The following TACC2 variants were observed in gnomAD, a reference collection of about 807,000 sequenced individuals.
TACC2 encodes the protein transforming acidic coiled-coil-containing protein 2.
In TACC2, 137 loss-of-function variants were observed where a neutral mutation model predicts 227.3. The ratio of observed to expected loss-of-function variants is 0.60; its 90% CI spans 0.52 to 0.69. TACC2 has a LOEUF of 0.69. TACC2 is among the 30% of genes least tolerant of loss of function. The pLI is 0.00. For synonymous variants in TACC2, 1,523 were observed against 1,487.5 expected (o/e 1.02, Z -0.55); for missense variants, 3,470 against 3,694.4 (o/e 0.94, Z 1.57).
Position 122,150,411 on chromosome 10 carries a change from G to C in TACC2, c.5834+6705G>C, listed in dbSNP as rs1179074884. ...CCTGAATAGGGGCAGCTGAGGCCAGGAGCCCACCCTCCTCCCCGAGCACGG... is the reference window on the plus strand; with the variant it reads ...CCTGAATAGGGGCAGCTGAGGCCAGCAGCCCACCCTCCTCCCCGAGCACGG... On this transcript the variant is annotated intron_variant, in intron 7 of 22. Transcript: ENST00000369005. The surrounding 1 kb of genome is among the most constrained non-coding windows in gnomAD (Gnocchi z 4.0). 6.6e-6 allele frequency among the ~76,000 whole-genome samples: 1 copy of C among 152,344 alleles called. No individual in the cohort carries two copies. The highest frequency in any genetic ancestry group is 1.9e-4 in the East Asian group (1 of 5,164).
chr10:121,992,931 G>C (rs1245704030), intron 1 of TACC2, among the ~76,000 whole-genome samples: 5 of 151,700 alleles, frequency 3.3e-5, no homozygotes, highest in Non-Finnish European at 7.4e-5. Flanking sequence ...CTCCAGCCTG[G>C]GCAACAGAGT....
chr10:122,085,115 C>T lies in TACC2; in HGVS notation c.2615C>T (p.Ser872Phe), dbSNP rs1270100081. 1.2e-6 allele frequency: 2 copies of T among 1,614,210 alleles called. No homozygotes were observed. Among genetic ancestry groups the T allele is most frequent in the Non-Finnish European group, 1.7e-6 (2 of 1,180,050 alleles). Residue 872 changes from serine to phenylalanine, a missense_variant, in exon 4 of 23, where the codon TCT becomes TTT. Physicochemically the swap from Ser to Phe is radical, Grantham distance 155 (BLOSUM62 -2). Around this residue, in one of 10 missense-constraint regions of TACC2, gnomAD observed 1,924 missense variants for 1,978.3 expected, o/e 0.97. Transcript: ENST00000369005. ...HPGFKDQGADSSQIHVPVEPQ... is the reference protein window; with the variant it reads ...HPGFKDQGADFSQIHVPVEPQ... ...GGTTTTAAGGACCAGGGAGCAGATT[C>T]TTCCCAAATCCATGTACCTGTGGAA...
intron 3 of TACC2, among the ~76,000 whole-genome samples, chr10:122,053,268 G>A (rs796308089): frequency 5.3e-5 from 8 of 152,286 alleles, no homozygotes; most frequent in African/African-American, 1.9e-4. Context: ...CAGGTAAAGA[G>A]AAGAGAGCTT....
intron 7 of TACC2, among the ~76,000 whole-genome samples, chr10:122,152,254 C>T (rs1030687572): frequency 6.6e-6 from 1 of 152,216 alleles, no homozygotes; most frequent in Non-Finnish European, 1.5e-5. Context: ...TTACAGGGTC[C>T]TGCCTGCCTT....
intron 11 of TACC2, among the ~76,000 whole-genome samples, chr10:122,224,417 C>T (rs888657511): frequency 2.0e-5 from 3 of 152,168 alleles, no homozygotes; most frequent in Admixed American, 1.3e-4. Flanking sequence ...GAACACTCAG[C>T]GCAGAGTGCT....
Position 122,241,946 on chromosome 10 carries a change from C to T in TACC2, c.8349-12C>T. On this transcript the variant is annotated splice_polypyrimidine_tract_variant and intron_variant, in intron 18 of 22. Coordinates refer to ENST00000369005, the MANE Select transcript of TACC2 (RefSeq NM_206862.4). ...TTGTCATGACTCCAACGTGTCTTTA[C>T]TTCTCTTATAGGAAAATAGTGGCCG... 1 of 1,613,868 alleles carries T rather than the reference C, an allele frequency of 6.2e-7. No individual in the cohort carries two copies. The highest frequency in any genetic ancestry group is 8.5e-7 in the Non-Finnish European group (1 of 1,179,712).
intron 3 of TACC2, among the ~76,000 whole-genome samples, chr10:122,078,031 C>A (rs1443358774): frequency 6.6e-6 from 1 of 151,804 alleles, no homozygotes; most frequent in Non-Finnish European, 1.5e-5. Flanking sequence ...CCCATCTCTA[C>A]TAAAAATACA....
intron 1 of TACC2, among the ~76,000 whole-genome samples, chr10:122,014,504 C>T (rs11594507): frequency 0.021 from 3,227 of 152,260 alleles, 49 homozygotes; most frequent in Non-Finnish European, 0.03. Context: ...AGCCACCATA[C>T]CCGGCCAAGA....
chr10:122,161,334 G>A (rs565297896), intron 7 of TACC2, among the ~76,000 whole-genome samples: 2 of 152,234 alleles, frequency 1.3e-5, no homozygotes, highest in South Asian at 4.2e-4. Flanking sequence ...GCAGTTGTTG[G>A]GATTCTACGT....
At chr10:122,046,806 C>G (rs2075057066) in intron 2 of TACC2, among the ~76,000 whole-genome samples, 1 of 152,086 alleles carries the variant, frequency 6.6e-6, no homozygotes, top group South Asian at 2.1e-4. Flanking sequence ...TGCAGGTCAT[C>G]TTGTGATTGA....
intron 1 of TACC2, among the ~76,000 whole-genome samples, chr10:122,008,525 C>G (rs551535942): frequency 3.5e-4 from 52 of 149,714 alleles, no homozygotes; most frequent in African/African-American, 1.2e-3. Flanking sequence ...CTCCCAAAGT[C>G]CTGGGATTAC....
chr10:122,068,307 T>G (rs76925228), intron 3 of TACC2, among the ~76,000 whole-genome samples: 5,201 of 152,290 alleles, frequency 0.034, 268 homozygotes, highest in African/African-American at 0.12. Context: ...TGTAATTTCT[T>G]GGTTCAAGAC....
At chr10:122,021,189 A>G (rs567277444) in intron 1 of TACC2, among the ~76,000 whole-genome samples, 1 of 148,916 alleles carries the variant, frequency 6.7e-6, no homozygotes, top group Non-Finnish European at 1.5e-5. Context: ...AGATCGTGCC[A>G]CTGCACTCTA....
chr10:122,136,567 ATATT>A (rs537728767), intron 6 of TACC2, among the ~76,000 whole-genome samples: 436 of 149,878 alleles, frequency 2.9e-3, no homozygotes, highest in Middle Eastern at 0.011. Context: ...ATATATATAT[ATATT>A]AGATGTAGTC....
At chr10:122,155,037 C>T (rs1475383787) in intron 7 of TACC2, among the ~76,000 whole-genome samples, 1 of 152,212 alleles carries the variant, frequency 6.6e-6, no homozygotes, top group Non-Finnish European at 1.5e-5. Flanking sequence ...AAATTTACCC[C>T]AGATGCTGCA....
intron 5 of TACC2, among the ~76,000 whole-genome samples, chr10:122,125,090 C>T (rs957217249): frequency 3.3e-5 from 5 of 152,098 alleles, no homozygotes; most frequent in African/African-American, 7.2e-5. Context: ...TACCTTTTTC[C>T]GTCTGAACCA....
intron 12 of TACC2, among the ~76,000 whole-genome samples, chr10:122,225,574 G>A (rs780240756): frequency 1.3e-5 from 2 of 152,216 alleles, no homozygotes; most frequent in Non-Finnish European, 2.9e-5. Context: ...GGCCACACCT[G>A]TGTCCCCAGT....
chr10:122,055,906 G>A (rs1295857030), intron 3 of TACC2, among the ~76,000 whole-genome samples: 2 of 152,222 alleles, frequency 1.3e-5, no homozygotes, highest in African/African-American at 4.8e-5. Context: ...AGGTCTCTTG[G>A]TCAGCGGGGA....
chr10:122,097,015 G>C (rs887872491), intron 5 of TACC2, among the ~76,000 whole-genome samples: 6 of 152,040 alleles, frequency 3.9e-5, no homozygotes, highest in African/African-American at 1.4e-4. Flanking sequence ...GCCTGGCCGA[G>C]GGTGTTTAGG....
Sources: allele counts gnomAD v4.1 joint callset (sites outside exome capture counted in the v4.1 genomes callset), GRCh38; gene constraint gnomAD v4.1.1; regional missense constraint gnomAD v4.1.1; non-coding constraint Gnocchi (gnomAD v3.1); transcripts MANE v1.5; gene names NCBI Gene and HGNC (gene_info 2026-07-23, HGNC 2026-07-21).